IGSF5: variants seen among roughly 807,000 people sequenced by gnomAD.
IGSF5 encodes immunoglobulin superfamily 5 like.
A neutral mutation model predicts 39.4 loss-of-function variants in IGSF5; 41 were observed. The ratio of observed to expected loss-of-function variants is 1.04; its 90% CI spans 0.81 to 1.35. The LOEUF is 1.35. IGSF5 is among the 40% of genes most tolerant of loss of function. The probability of loss-of-function intolerance (pLI) is 0.00; values close to 1 mark genes in which losing one functional copy is unlikely to be tolerated. For missense variants in IGSF5, 487 were observed against 494.6 expected, an observed-to-expected ratio of 0.98 and a Z score of 0.15; for synonymous variants, 183 against 175.3, an observed-to-expected ratio of 1.04 and a Z score of -0.34.
chr21:39,785,480 T>A (rs529378645), intron 5 of IGSF5, among the ~76,000 whole-genome samples: 1 of 152,208 alleles, frequency 6.6e-6, no homozygotes, highest in Non-Finnish European at 1.5e-5. Flanking sequence ...TAGTTTGAAG[T>A]CAGGTAGTGT....
chr21:39,769,609 C>T (rs959608653), intron 3 of IGSF5, among the ~76,000 whole-genome samples: 2 of 151,916 alleles, frequency 1.3e-5, no homozygotes, highest in African/African-American at 4.8e-5. Flanking sequence ...TCTTTACATC[C>T]TTCAAACAAA....
chr21:39,765,646 G>A lies in IGSF5; in HGVS notation c.212G>A (p.Trp71Ter), dbSNP rs768497439. The change falls in exon 3 of 9, where the codon TGG (tryptophan) becomes TAG (stop). Residue 71 changes from tryptophan to a stop codon, truncating the protein, a stop_gained. Transcript: ENST00000380588. LOFTEE classifies it high-confidence loss of function. ...TVSQGWKLIM[W>*]ALSDMVVLSV... ...TCCCAGGGCTGGAAGCTCATCATGTGGGCTCTCAGTGACATGGTGGTGCTA... is the reference window on the plus strand; with the variant it reads ...TCCCAGGGCTGGAAGCTCATCATGTAGGCTCTCAGTGACATGGTGGTGCTA... The A allele has an allele frequency of 1.9e-6, 3 of 1,614,088 alleles. No individual in the cohort carries two copies. The East Asian group carries it at 6.7e-5, about 36-fold the overall frequency.
intron 5 of IGSF5, among the ~76,000 whole-genome samples, chr21:39,781,746 C>T (rs2080171685): frequency 6.6e-6 from 1 of 152,146 alleles, no homozygotes; most frequent in Admixed American, 6.5e-5. Flanking sequence ...AACTACTGTT[C>T]CATCTTTTTG....
chr21:39,726,556 G>C, the IGSF5 span, among the ~76,000 whole-genome samples: 7 of 152,166 alleles, frequency 4.6e-5, no homozygotes, highest in African/African-American at 7.2e-5. Context: ...GGGCAGGGTG[G>C]AGGCGGTGCA....
At chr21:39,738,169 G>A in the IGSF5 span, among the ~76,000 whole-genome samples, 1 of 152,198 alleles carries the variant, frequency 6.6e-6, no homozygotes, top group Non-Finnish European at 1.5e-5. The surrounding 1 kb of genome is among the most constrained non-coding windows in gnomAD (Gnocchi z 6.4). Flanking sequence ...AAGAAACAGA[G>A]GTTTAATGGA....
At chr21:39,796,189 G>T (rs2086995280) in intron 8 of IGSF5, among the ~76,000 whole-genome samples, 1 of 152,100 alleles carries the variant, frequency 6.6e-6, no homozygotes, top group Non-Finnish European at 1.5e-5. Flanking sequence ...CCATTTCCTT[G>T]GTCCAGAGAA....
At chr21:39,750,951 AG>A (rs2080002729) in intron 2 of IGSF5, among the ~76,000 whole-genome samples, 2 of 152,306 alleles carry the variant, frequency 1.3e-5, no homozygotes, top group Admixed American at 1.3e-4. Flanking sequence ...GACTTGGAAG[AG>A]GAGGGAGAGG....
At chr21:39,752,527 C>T (rs886405636) in intron 2 of IGSF5, among the ~76,000 whole-genome samples, 2 of 152,170 alleles carry the variant, frequency 1.3e-5, no homozygotes, top group African/African-American at 4.8e-5. Context: ...TGGGTAGATA[C>T]CCAGTAATGG....
chr21:39,740,570 A>G (rs376892025), upstream of IGSF5, among the ~76,000 whole-genome samples: 224 of 152,314 alleles, frequency 1.5e-3, 3 homozygotes, highest in Middle Eastern at 0.014. Flanking sequence ...ATTACTTTCA[A>G]GTATTCCATT....
intron 5 of IGSF5, among the ~76,000 whole-genome samples, chr21:39,779,919 G>A (rs1395469043): frequency 6.6e-6 from 1 of 152,174 alleles, no homozygotes; most frequent in African/African-American, 2.4e-5. Flanking sequence ...TTGGGGAGAT[G>A]TTGGTCGAAG....
chr21:39,799,262 G>A (rs999195025), intron 8 of IGSF5, among the ~76,000 whole-genome samples: 2 of 152,148 alleles, frequency 1.3e-5, no homozygotes, highest in Non-Finnish European at 2.9e-5. Flanking sequence ...TCTCTATTCC[G>A]GTTTTCCTAA....
chr21:39,762,064 T>C (rs1188937514), intron 2 of IGSF5, among the ~76,000 whole-genome samples: 1 of 152,194 alleles, frequency 6.6e-6, no homozygotes, highest in African/African-American at 2.4e-5. Flanking sequence ...GCTCGAGATG[T>C]GGATTTGAGA....
chr21:39,786,141 A>G (rs2086918045), intron 5 of IGSF5, among the ~76,000 whole-genome samples: 1 of 151,866 alleles, frequency 6.6e-6, no homozygotes, highest in Admixed American at 6.5e-5. Flanking sequence ...TCTGCACAGC[A>G]AAAGAAACTA....
At chr21:39,784,414 G>A (rs914451898) in intron 5 of IGSF5, among the ~76,000 whole-genome samples, 15 of 152,234 alleles carry the variant, frequency 9.9e-5, no homozygotes, top group East Asian at 3.9e-4. Context: ...AAGATTAACC[G>A]ATGGTTGTTG....
chr21:39,795,820 T>C (rs1384647477), intron 8 of IGSF5, among the ~76,000 whole-genome samples: 1 of 152,030 alleles, frequency 6.6e-6, no homozygotes, highest in East Asian at 1.9e-4. Context: ...TGTCGTCTTC[T>C]AGGGGAGCCG....
At chr21:39,738,437 T>A in the IGSF5 span, among the ~76,000 whole-genome samples, 1 of 152,044 alleles carries the variant, frequency 6.6e-6, no homozygotes, top group Admixed American at 6.5e-5. The surrounding 1 kb of genome is among the most constrained non-coding windows in gnomAD (Gnocchi z 6.4). Flanking sequence ...AAGATGAGAT[T>A]TAGGTGGGGA....
intron 8 of IGSF5, among the ~76,000 whole-genome samples, chr21:39,797,775 C>A (rs2087005699): frequency 1.3e-5 from 2 of 152,152 alleles, no homozygotes; most frequent in African/African-American, 4.8e-5. Flanking sequence ...CCCACATGGG[C>A]CTCCCAAAGC....
intron 8 of IGSF5, among the ~76,000 whole-genome samples, chr21:39,798,388 G>A (rs932546698): frequency 7.2e-5 from 11 of 152,196 alleles, no homozygotes; most frequent in African/African-American, 2.7e-4. Context: ...GGGGTTGGTA[G>A]TGCCATGCTC....
In IGSF5 at chr21:39,801,828, T is replaced by C. The variant is rs962614007; in HGVS notation, c.*471T>C. On this transcript the variant is annotated 3_prime_UTR_variant, in exon 9 of 9. Coordinates refer to ENST00000380588, the MANE Select transcript of IGSF5 (RefSeq NM_001080444.2). ...GGTCAACCAGAAATCTGCAATTGAC[T>C]GTCAAAACTGAGCTCAGTTAAAGTA... The C allele has an allele frequency of 2.0e-5, 3 of 152,918 alleles. No homozygotes were observed. Among genetic ancestry groups the C allele is most frequent in the African/African-American group, 7.2e-5 (3 of 41,456 alleles). 9.5% of individuals were successfully genotyped at this position (152,918 alleles called of 1,614,324 possible). A position where few individuals can be genotyped will look rare whatever the true frequency, so the allele number is the denominator to read the frequency against.
Sources: gnomAD v4.1 joint callset for allele counts (sites outside exome capture counted in the v4.1 genomes callset) on GRCh38, gnomAD v4.1.1 for gene constraint, Gnocchi (gnomAD v3.1) non-coding constraint, MANE v1.5 for transcripts, NCBI Gene and HGNC (gene_info 2026-07-23, HGNC 2026-07-21) for gene names.